The following TNN variants were observed in gnomAD, a reference collection of about 807,000 sequenced individuals.
The protein encoded by TNN is tenascin-N.
In TNN, 122 loss-of-function variants were observed where a neutral mutation model predicts 134.4. The observed-to-expected ratio is 0.91, with a 90% CI of 0.78 to 1.06. The LOEUF (loss-of-function observed/expected upper bound fraction) is 1.06. Ranked by LOEUF, TNN falls within the 50% of genes least tolerant of loss-of-function variation. The probability of loss-of-function intolerance (pLI) is 0.00; values close to 1 mark genes in which losing one functional copy is unlikely to be tolerated. For missense variants in TNN, 1,739 were observed against 1,699.4 expected, an observed-to-expected ratio of 1.02 and a Z score of -0.41; for synonymous variants, 710 against 670.3, an observed-to-expected ratio of 1.06 and a Z score of -0.91.
At chr1:175,136,604 CT>C (rs564721913) in intron 16 of TNN, among the ~76,000 whole-genome samples, 6 of 152,138 alleles carry the variant, frequency 3.9e-5, no homozygotes, top group Non-Finnish European at 5.9e-5. Flanking sequence ...TGGGGTTACC[CT>C]GCCCCCTTCA....
In TNN at chr1:175,136,849, C is replaced by G. The variant is rs144928544; in HGVS notation, c.3456C>G (p.Thr1152=). The G allele has an allele frequency of 3.1e-6, 5 of 1,613,928 alleles. No individual in the cohort carries two copies. Among genetic ancestry groups the G allele is most frequent in the Non-Finnish European group, 3.4e-6 (4 of 1,179,926 alleles). The part of the protein sequence containing the change: ...LGLDKLHNLT[T]GTPARYEVRV... ...TTGACAAGCTACACAACCTCACCAC[C>G]GGCACTCCAGCGCGGTATGAGGTGA... Residue 1152 remains threonine, a synonymous_variant, in exon 17 of 19, where the codon ACC becomes ACG. Transcript: ENST00000239462.
At chr1:175,076,578 T>G (rs1026356464) in intron 1 of TNN, among the ~76,000 whole-genome samples, 2 of 152,204 alleles carry the variant, frequency 1.3e-5, no homozygotes, top group Non-Finnish European at 2.9e-5. Flanking sequence ...GAAGACTTTG[T>G]GGAGCAGGTA....
intron 14 of TNN, 120 bp from the exon 15 acceptor site, chr1:175,128,475 C>G (rs756222670): frequency 2.6e-5 from 32 of 1,245,452 alleles, no homozygotes; most frequent in Non-Finnish European, 3.2e-5. Context: ...TTGGAAGAAG[C>G]TGAAGTAGGA....
chr1:175,121,971 T>A (rs558646602), intron 11 of TNN, among the ~76,000 whole-genome samples: 3 of 152,344 alleles, frequency 2.0e-5, no homozygotes, highest in Non-Finnish European at 2.9e-5. Flanking sequence ...GTGGTGGAGA[T>A]GCAGTTGTAT....
intron 12 of TNN, among the ~76,000 whole-genome samples, chr1:175,125,488 C>T (rs969934602): frequency 1.3e-5 from 2 of 152,112 alleles, no homozygotes; most frequent in Admixed American, 1.3e-4. Flanking sequence ...TGAGGAAGTA[C>T]ATAGAAGAAG....
In TNN at chr1:175,119,629, C is replaced by CT. The variant is rs757564360; in HGVS notation, c.2650+813dup. Among the ~76,000 whole-genome samples, 751 of 133,426 alleles carry CT rather than the reference C, an allele frequency of 5.6e-3. 45 individuals carry two copies. Among genetic ancestry groups the CT allele is most frequent in the African/African-American group, 0.02 (636 of 31,912 alleles). The allele number at this position is 133,426 out of a possible 152,430, so 87.5% of individuals were successfully genotyped here. A position where few individuals can be genotyped will look rare whatever the true frequency, so the allele number is the denominator to read the frequency against. ...CCAGTGGGAGCAGTCCCATGAATGC[C>CT]TTTTTTTTCTTTTTTTTTTTTTTTT... On this transcript the variant is annotated intron_variant, in intron 11 of 18. Coordinates refer to ENST00000239462, the MANE Select transcript of TNN (RefSeq NM_022093.2).
intron 9 of TNN, among the ~76,000 whole-genome samples, chr1:175,115,468 G>A (rs1558364169): frequency 6.6e-6 from 1 of 152,342 alleles, no homozygotes; most frequent in African/African-American, 2.4e-5. Flanking sequence ...TCTGGAATGA[G>A]TGGGTAGGGG....
chr1:175,072,309 T>A (rs1299839378), intron 1 of TNN, among the ~76,000 whole-genome samples: 1 of 152,184 alleles, frequency 6.6e-6, no homozygotes, highest in Admixed American at 6.5e-5. Flanking sequence ...CCAGCCTCTG[T>A]AAGACAATGA....
chr1:175,092,526 T>A (rs1317122105), intron 6 of TNN, among the ~76,000 whole-genome samples: 1 of 152,222 alleles, frequency 6.6e-6, no homozygotes, highest in Admixed American at 6.5e-5. Context: ...ACAGTAACCT[T>A]TCAGTTCACA....
At chr1:175,068,420 T>A (rs1266416589) in intron 1 of TNN, among the ~76,000 whole-genome samples, 1 of 152,230 alleles carries the variant, frequency 6.6e-6, no homozygotes, top group Non-Finnish European at 1.5e-5. Flanking sequence ...TATGATAACT[T>A]TCCCTTTGTC....
intron 9 of TNN, among the ~76,000 whole-genome samples, chr1:175,116,046 AT>A (rs753669640): frequency 9.6e-4 from 142 of 148,338 alleles, no homozygotes; most frequent in Middle Eastern, 3.5e-3. Context: ...TCCTTTAGTT[AT>A]TTTTTTTTTA....
At chr1:175,113,160 T>C (rs557737943) in intron 9 of TNN, among the ~76,000 whole-genome samples, 1 of 152,354 alleles carries the variant, frequency 6.6e-6, no homozygotes, top group South Asian at 2.1e-4. Context: ...TTTATACTTT[T>C]CTATGTTCTC....
At chr1:175,098,725 G>C in intron 9 of TNN, 130 bp downstream of exon 9, 1 of 1,330,194 alleles carries the variant, frequency 7.5e-7, no homozygotes, top group Non-Finnish European at 1.0e-6. Context: ...ATAATACATT[G>C]TGTCCCCCTC....
rs543892265 is a variant in TNN, at chr1:175,131,875, G to A, written c.3330+3129G>A. Among the ~76,000 whole-genome samples the A allele has an allele frequency of 2.7e-5, 4 of 148,918 alleles. No individual in the cohort carries two copies. In the South Asian group the frequency reaches 8.4e-4, roughly 31 times the overall value. ...CAAAACAGTGATGCAAAGAGCACCA[G>A]AATCATTTTTGGAAGCTTCCCTGGC... On this transcript the variant is annotated intron_variant, in intron 15 of 18. Coordinates refer to ENST00000239462, the MANE Select transcript of TNN (RefSeq NM_022093.2).
At position 175,077,497 on chromosome 1, in the gene TNN, A is replaced by C; in HGVS notation, c.79A>C (p.Thr27Pro). 4.3e-6 allele frequency: 7 copies of C among 1,613,800 alleles called. No homozygotes were observed. The highest frequency in any genetic ancestry group is 5.9e-6 in the Non-Finnish European group (7 of 1,179,976). Residue 27 changes from threonine (T) to proline (P), a missense_variant, in exon 2 of 19, where the codon ACT (threonine) becomes CCT (proline). By Grantham distance (38) the Thr-to-Pro change is conservative (BLOSUM62 -1). Transcript: ENST00000239462. ...GCTCCTGGTGGCTTCGGCCCCAGCCACTCTGGAGCCTCCCGGCTGCAGCAA... is the reference window on the plus strand; with the variant it reads ...GCTCCTGGTGGCTTCGGCCCCAGCCCCTCTGGAGCCTCCCGGCTGCAGCAA... The part of the protein sequence containing the change: ...SVLLVASAPA[T>P]LEPPGCSNKE...
chr1:175,125,741 CTT>C (rs1488955370), intron 12 of TNN, among the ~76,000 whole-genome samples: 8 of 131,514 alleles, frequency 6.1e-5, no homozygotes, highest in East Asian at 2.3e-4. Context: ...TTCTTTCTTT[CTT>C]TCTTTCTTTC....
intron 9 of TNN, among the ~76,000 whole-genome samples, chr1:175,115,879 T>A (rs1044078840): frequency 6.6e-6 from 1 of 152,092 alleles, no homozygotes; most frequent in African/African-American, 2.4e-5. Flanking sequence ...CTTGCTTACG[T>A]TTTGCTGTAG....
In TNN at chr1:175,144,403, C is replaced by T; in HGVS notation, c.3612C>T (p.Tyr1204=). Residue 1204 remains tyrosine (Y), a synonymous_variant, in exon 18 of 19, where the codon TAC becomes TAT. Transcript: ENST00000239462. ...CTCCTGCAGGGGATGCTCTTACTTACCACAATGGATGGAAGTTTACAACTT... is the reference window on the plus strand; with the variant it reads ...CTCCTGCAGGGGATGCTCTTACTTATCACAATGGATGGAAGTTTACAACTT... ...YRGTAGDALT[Y]HNGWKFTTFD... 1 of 1,614,026 alleles carries T rather than the reference C, an allele frequency of 6.2e-7. No individual in the cohort carries two copies. The highest frequency in any genetic ancestry group is 1.3e-5 in the African/African-American group (1 of 75,032).
chr1:175,131,439 TG>T lies in TNN; in HGVS notation c.3330+2694del, dbSNP rs201015492. Reference sequence around the variant, plus strand: ...CACAAAGAGGTTTCTTTTGTTTGTTTGTTTTTCTCCCTTTGAAACTTATTTG... The same window carrying T: ...CACAAAGAGGTTTCTTTTGTTTGTTTTTTTTCTCCCTTTGAAACTTATTTG... On this transcript the variant is annotated intron_variant, in intron 15 of 18. Transcript: ENST00000239462. Among the ~76,000 whole-genome samples the T allele has an allele frequency of 7.5e-3, 1,140 of 152,318 alleles. 19 individuals carry two copies. Among genetic ancestry groups the T allele is most frequent in the African/African-American group, 0.026 (1,079 of 41,574 alleles).
Sources: gnomAD v4.1 joint callset for allele counts (sites outside exome capture counted in the v4.1 genomes callset) on GRCh38, gnomAD v4.1.1 for gene constraint, MANE v1.5 for transcripts, NCBI Gene and HGNC (gene_info 2026-07-23, HGNC 2026-07-21) for gene names.